Variants in DOCK2 observed in about 807,000 individuals in gnomAD.
DOCK2 encodes dedicator of cytokinesis protein 2.
Under a neutral mutation model 248.9 loss-of-function variants are expected in DOCK2, and 87 were observed. The ratio of observed to expected loss-of-function variants is 0.35; its 90% CI spans 0.29 to 0.42. The LOEUF is 0.42. DOCK2 is among the 10% of genes least tolerant of loss of function. DOCK2 has a pLI of 1.00. For synonymous variants in DOCK2, 805 were observed against 821.6 expected (o/e 0.98, Z 0.35); for missense variants, 1,747 against 2,300.2 (o/e 0.76, Z 4.92).
Position 169,944,888 on chromosome 5 carries a change from A to G in DOCK2, c.2800-38180A>G, listed in dbSNP as rs184354175. On this transcript the variant is annotated intron_variant, in intron 27 of 51. Coordinates refer to ENST00000520908, the MANE Select transcript of DOCK2 (RefSeq NM_004946.3). Reference sequence around the variant, plus strand: ...TTGCTCAGAATGCTTCATTTTCCAGACATCTTGTTTCCTTGCCCTGTCTCT... The same window carrying G: ...TTGCTCAGAATGCTTCATTTTCCAGGCATCTTGTTTCCTTGCCCTGTCTCT... 5.3e-5 allele frequency among the ~76,000 whole-genome samples: 8 copies of G among 152,228 alleles called. No individual in the cohort carries two copies. In the East Asian group the frequency reaches 1.5e-3, roughly 29 times the overall value.
intron 1 of DOCK2, among the ~76,000 whole-genome samples, chr5:169,646,278 C>G (rs941355196): frequency 6.6e-6 from 1 of 152,178 alleles, no homozygotes. Flanking sequence ...TCTGAGGTCT[C>G]TGTTCTGTTC....
At chr5:169,776,713 C>T (rs1765407008) in intron 25 of DOCK2, among the ~76,000 whole-genome samples, 1 of 152,114 alleles carries the variant, frequency 6.6e-6, no homozygotes, top group Non-Finnish European at 1.5e-5. Context: ...AGCAGTTTTC[C>T]CCATGCTGTT....
At chr5:169,658,286 C>G (rs1181848165) in intron 2 of DOCK2, among the ~76,000 whole-genome samples, 1 of 151,938 alleles carries the variant, frequency 6.6e-6, no homozygotes, top group Non-Finnish European at 1.5e-5. Context: ...CGAGACCCTC[C>G]TGGCTAACAT....
rs764983434 is a variant in DOCK2 at position 169,883,076 on chromosome 5, T to G, written c.2799+42224T>G. The G allele has an allele frequency of 2.6e-6, 4 of 1,551,662 alleles. No homozygotes were observed. In the South Asian group the frequency reaches 4.8e-5, roughly 18 times the overall value. ...TCTTTGGGCAAAAGCAATTCAGGTT[T>G]AAGTTCCTCTGTGCCTGGTGTGTGG... On this transcript the variant is annotated intron_variant, in intron 27 of 51. Coordinates refer to ENST00000520908, the MANE Select transcript of DOCK2 (RefSeq NM_004946.3).
rs567226990 is a variant in DOCK2, at chr5:169,857,563, A to G, written c.2799+16711A>G. Among the ~76,000 whole-genome samples, 3 of 152,232 alleles carry G rather than the reference A, an allele frequency of 2.0e-5. No homozygotes were observed. In the South Asian group the frequency reaches 6.2e-4, roughly 32 times the overall value. Reference sequence around the variant, plus strand: ...TGGATGGGAATAACATTACACTCTCACCTCAGGAGAGTTAGAAGCCTTGGG... The same window carrying G: ...TGGATGGGAATAACATTACACTCTCGCCTCAGGAGAGTTAGAAGCCTTGGG... On this transcript the variant is annotated intron_variant, in intron 27 of 51. Coordinates refer to ENST00000520908, the MANE Select transcript of DOCK2 (RefSeq NM_004946.3).
chr5:170,070,896 A>G (rs1345890271), intron 46 of DOCK2, among the ~76,000 whole-genome samples: 1 of 152,202 alleles, frequency 6.6e-6, no homozygotes, highest in Admixed American at 6.5e-5. Context: ...CTAGAGGGAC[A>G]TTACCAACAA....
chr5:169,804,453 T>C (rs1767190011), intron 26 of DOCK2, among the ~76,000 whole-genome samples: 1 of 70,082 alleles, frequency 1.4e-5, no homozygotes, highest in Admixed American at 2.0e-4. Context: ...TGTGTGTGTG[T>C]GTGTGTGTGT....
chr5:169,882,497 G>C, intron 27 of DOCK2: 1 of 1,417,660 alleles, frequency 7.1e-7, no homozygotes, highest in Non-Finnish European at 9.5e-7. Context: ...CTCTGCCCCT[G>C]TGTTGGCAAA....
rs771206389 is a variant in DOCK2 at position 170,082,891 on chromosome 5, A to AGGGAG, written c.*39_*43dup. Reference sequence around the variant, plus strand: ...CTGACTAGGGCTGCATGGGAGAGCCAGGGAGGGGAGTTTCTGGAAGAGGAA... The same window carrying AGGGAG: ...CTGACTAGGGCTGCATGGGAGAGCCAGGGAGGGGAGGGGAGTTTCTGGAAGAGGAA... On this transcript the variant is annotated 3_prime_UTR_variant, in exon 52 of 52. Coordinates refer to ENST00000520908, the MANE Select transcript of DOCK2 (RefSeq NM_004946.3). 30 of 1,614,014 alleles carry AGGGAG rather than the reference A, an allele frequency of 1.9e-5. 1 individual carries two copies. The South Asian group carries it at 3.2e-4, about 17-fold the overall frequency.
In DOCK2 at chr5:170,041,996, G is replaced by C. The variant is rs1211152607; in HGVS notation, c.3757-17G>C. The C allele has an allele frequency of 2.5e-6, 4 of 1,612,160 alleles. No homozygotes were observed. Among genetic ancestry groups the C allele is most frequent in the Non-Finnish European group, 3.4e-6 (4 of 1,178,978 alleles). ...GCCTCTCGGCCCTGTGTGACTTCCT[G>C]TGTCTTCTCTTCACAGTGGTCGGAT... On this transcript the variant is annotated splice_polypyrimidine_tract_variant and intron_variant, in intron 37 of 51. Transcript: ENST00000520908.
chr5:169,752,067 G>A (rs559795794), intron 23 of DOCK2, among the ~76,000 whole-genome samples: 5 of 152,306 alleles, frequency 3.3e-5, no homozygotes, highest in Non-Finnish European at 7.4e-5. Flanking sequence ...ATGCTCAGAA[G>A]TCCTTGTGTG....
At chr5:169,983,499 C>T (rs769362119) in intron 28 of DOCK2, among the ~76,000 whole-genome samples, 3 of 152,186 alleles carry the variant, frequency 2.0e-5, no homozygotes, top group African/African-American at 2.4e-5. Flanking sequence ...ATAGCTCTCA[C>T]GTAGTAAGTG....
chr5:169,823,101 C>T (rs868569719), intron 26 of DOCK2, among the ~76,000 whole-genome samples: 35 of 152,290 alleles, frequency 2.3e-4, no homozygotes, highest in Middle Eastern at 3.4e-3. Context: ...AGACCAATAA[C>T]AGGCTCTGAA....
intron 22 of DOCK2, among the ~76,000 whole-genome samples, chr5:169,719,302 G>T (rs565691676): frequency 1.1e-4 from 16 of 152,336 alleles, no homozygotes; most frequent in African/African-American, 1.7e-4. Flanking sequence ...ACAGAGGCCA[G>T]CTGCCTTTTT....
intron 27 of DOCK2, among the ~76,000 whole-genome samples, chr5:169,857,623 G>A (rs1239314583): frequency 6.6e-6 from 1 of 151,934 alleles, no homozygotes; most frequent in Non-Finnish European, 1.5e-5. Flanking sequence ...TTTCTATAAA[G>A]AGCTGAGACT....
At chr5:169,874,499 G>A (rs1317719864) in intron 27 of DOCK2, among the ~76,000 whole-genome samples, 1 of 151,834 alleles carries the variant, frequency 6.6e-6, no homozygotes, top group Non-Finnish European at 1.5e-5. Context: ...GATTCTGCGT[G>A]GCATTTAGCT....
At chr5:169,727,523 C>G (rs549372108) in intron 22 of DOCK2, among the ~76,000 whole-genome samples, 78 of 152,238 alleles carry the variant, frequency 5.1e-4, no homozygotes, top group Middle Eastern at 3.4e-3. Flanking sequence ...AATTGTGAAA[C>G]ACCTTGAATG....
At chr5:169,822,868 A>G (rs923887139) in intron 26 of DOCK2, among the ~76,000 whole-genome samples, 1 of 152,168 alleles carries the variant, frequency 6.6e-6, no homozygotes, top group Admixed American at 6.5e-5. Flanking sequence ...TTGATAGACC[A>G]CTAGCAAGAC....
chr5:169,778,426 G>A (rs1386972699), intron 25 of DOCK2, among the ~76,000 whole-genome samples: 1 of 152,192 alleles, frequency 6.6e-6, no homozygotes, highest in Non-Finnish European at 1.5e-5. Context: ...GAACTGGGAT[G>A]GAGAGGACAC....
Sources: allele counts gnomAD v4.1 joint callset (sites outside exome capture counted in the v4.1 genomes callset), GRCh38; gene constraint gnomAD v4.1.1; transcripts MANE v1.5; gene names NCBI Gene and HGNC (gene_info 2026-07-23, HGNC 2026-07-21).